Variants in ZNF469 observed in about 807,000 individuals in gnomAD.
The protein encoded by ZNF469 is zinc finger protein 469.
In ZNF469, 1 loss-of-function variant was observed where a neutral mutation model predicts 1.0. The observed-to-expected ratio is 1.00, with a 90% CI of 0.35 to 4.73. The LOEUF is 4.73. Among genes scored for constraint, ZNF469 ranks in the 30% most tolerant of loss-of-function variants. The pLI is 0.16. For synonymous variants in ZNF469, 2,703 were observed against 2,363.4 expected, an observed-to-expected ratio of 1.14 and a Z score of -4.17; for missense variants, 6,100 against 5,356.3, an observed-to-expected ratio of 1.14 and a Z score of -4.33.
chr16:88,432,028 G>A lies in ZNF469; in HGVS notation c.4558G>A (p.Gly1520Arg). ...MLPSHFPDLS[G>R]GKVLSKTCPP... is the part of the protein sequence containing the mutation. ...GCCTAGCCATTTTCCTGATCTCTCGGGGGGAAAGGTGCTCAGTAAGACGTG... is the reference window on the plus strand; with the variant it reads ...GCCTAGCCATTTTCCTGATCTCTCGAGGGGAAAGGTGCTCAGTAAGACGTG... The change falls in exon 3 of 3, where the codon GGG becomes AGG. Residue 1520 changes from glycine to arginine, a missense_variant. Physicochemically the swap from Gly to Arg is moderately radical, Grantham distance 125. Coordinates refer to ENST00000565624, the MANE Select transcript of ZNF469 (RefSeq NM_001367624.2). 6.5e-7 allele frequency: 1 copy of A among 1,550,384 alleles called. No homozygotes were observed. Among genetic ancestry groups the A allele is most frequent in the Non-Finnish European group, 8.7e-7 (1 of 1,146,974 alleles).
At chr16:88,304,127 G>T in the ZNF469 span, among the ~76,000 whole-genome samples, 10 of 152,302 alleles carry the variant, frequency 6.6e-5, no homozygotes, top group South Asian at 1.9e-3. Context: ...CAAGCAGTTT[G>T]CAACCTTCAC....
chr16:88,125,644 G>C, the ZNF469 span, among the ~76,000 whole-genome samples: 1 of 152,156 alleles, frequency 6.6e-6, no homozygotes, highest in Non-Finnish European at 1.5e-5. Flanking sequence ...ATCAGGTCTA[G>C]CTCATACTTT....
At chr16:88,403,835 G>C (rs938088009) in intron 1 of ZNF469, among the ~76,000 whole-genome samples, 3 of 152,080 alleles carry the variant, frequency 2.0e-5, no homozygotes, top group African/African-American at 7.2e-5. Flanking sequence ...CAGCTCAGGT[G>C]CCCCCTCCCC....
chr16:88,135,617 C>T, the ZNF469 span, among the ~76,000 whole-genome samples: 17 of 152,210 alleles, frequency 1.1e-4, no homozygotes, highest in African/African-American at 3.4e-4. Context: ...CACTCACACC[C>T]GGAGGAGCAC....
chr16:88,309,596 G>A, the ZNF469 span, among the ~76,000 whole-genome samples: 3 of 144,552 alleles, frequency 2.1e-5, no homozygotes, highest in South Asian at 2.1e-4. Context: ...GACAACTGGC[G>A]GGGGTAGTGC....
chr16:88,289,285 GTGA>G, the ZNF469 span, among the ~76,000 whole-genome samples: 74 of 150,596 alleles, frequency 4.9e-4, no homozygotes, highest in African/African-American at 1.3e-3. Context: ...GAGGGTGATG[GTGA>G]TGATGATGGT....
the ZNF469 span, among the ~76,000 whole-genome samples, chr16:88,221,724 C>T: frequency 6.6e-6 from 1 of 152,234 alleles, no homozygotes; most frequent in Non-Finnish European, 1.5e-5. Flanking sequence ...ACGCTTCCAG[C>T]GGCCAGGAGT....
chr16:88,226,120 C>T, the ZNF469 span, among the ~76,000 whole-genome samples: 2 of 152,272 alleles, frequency 1.3e-5, no homozygotes, highest in South Asian at 4.1e-4. Flanking sequence ...AGAGATTTTT[C>T]GCAGGCGTCT....
At chr16:88,210,964 G>A in the ZNF469 span, among the ~76,000 whole-genome samples, 1 of 152,208 alleles carries the variant, frequency 6.6e-6, no homozygotes, top group Non-Finnish European at 1.5e-5. Context: ...ATTGGGCGGG[G>A]TTGCCTTAGC....
the ZNF469 span, among the ~76,000 whole-genome samples, chr16:88,121,113 TG>T: frequency 1.4e-4 from 4 of 28,800 alleles, no homozygotes; most frequent in African/African-American, 5.4e-4. Context: ...CACGGTGGGA[TG>T]GGGGGTCGGG....
the ZNF469 span, among the ~76,000 whole-genome samples, chr16:88,273,802 A>ATT: frequency 2.3e-4 from 27 of 117,864 alleles, no homozygotes; most frequent in African/African-American, 8.4e-4. Flanking sequence ...ACACTGTGGA[A>ATT]TATTTTTTTT....
intron 1 of ZNF469, among the ~76,000 whole-genome samples, chr16:88,404,359 C>T (rs1012385967): frequency 6.6e-6 from 1 of 152,162 alleles, no homozygotes; most frequent in African/African-American, 2.4e-5. Context: ...GCAGACTGGC[C>T]CTGGGCGGCG....
At chr16:88,273,635 G>C in the ZNF469 span, among the ~76,000 whole-genome samples, 2 of 152,172 alleles carry the variant, frequency 1.3e-5, no homozygotes, top group African/African-American at 4.8e-5. Context: ...TTATGATTCA[G>C]CCACTTTTGT....
rs1249497503 is a variant in ZNF469, at chr16:88,383,241, G to A, written c.-205G>A. The stretch of plus-strand genomic sequence containing the variant: ...GCGGCCGGCGTGGCGGGCGGAGCGG[G>A]CCTCGGAGCGGAGGTGAGTGCGGAT... On this transcript the variant is annotated 5_prime_UTR_variant, in exon 1 of 3. Transcript: ENST00000565624. Among the ~76,000 whole-genome samples, 1 of 147,258 alleles carries A rather than the reference G, an allele frequency of 6.8e-6. No homozygotes were observed. Among genetic ancestry groups the A allele is most frequent in the Non-Finnish European group, 1.5e-5 (1 of 66,056 alleles).
the ZNF469 span, among the ~76,000 whole-genome samples, chr16:88,113,043 G>T: frequency 6.6e-6 from 1 of 152,104 alleles, no homozygotes; most frequent in Non-Finnish European, 1.5e-5. Flanking sequence ...CTCCCAAAGT[G>T]CTGGGATTAC....
the ZNF469 span, among the ~76,000 whole-genome samples, chr16:88,279,357 G>A: frequency 1.6e-4 from 24 of 150,830 alleles, 1 homozygote; most frequent in South Asian, 2.5e-3. Context: ...TTAGTGCTAC[G>A]CCATGCTGAC....
chr16:88,350,310 G>A, the ZNF469 span, among the ~76,000 whole-genome samples: 3 of 152,188 alleles, frequency 2.0e-5, no homozygotes, highest in Non-Finnish European at 4.4e-5. Flanking sequence ...CATGATCCAC[G>A]CAGGGACCTG....
chr16:88,136,319 C>T, the ZNF469 span, among the ~76,000 whole-genome samples: 1 of 152,240 alleles, frequency 6.6e-6, no homozygotes, highest in Non-Finnish European at 1.5e-5. Context: ...GTCCTTCTCA[C>T]AACGCTGATT....
the ZNF469 span, among the ~76,000 whole-genome samples, chr16:88,151,198 C>A: frequency 4.6e-5 from 7 of 152,222 alleles, no homozygotes; most frequent in Admixed American, 4.6e-4. This position sits in a 1 kb window ranked among gnomAD's most constrained non-coding sequence, Gnocchi z 5.4. Context: ...TCAGGGGCCG[C>A]CTGGGGACTG....
Sources: allele counts gnomAD v4.1 joint callset (sites outside exome capture counted in the v4.1 genomes callset), GRCh38; gene constraint gnomAD v4.1.1; non-coding constraint Gnocchi (gnomAD v3.1); transcripts MANE v1.5; gene names NCBI Gene and HGNC (gene_info 2026-07-23, HGNC 2026-07-21).